WDR72: variants seen among roughly 807,000 people sequenced by gnomAD.
WDR72 encodes WD repeat domain 72.
Under a neutral mutation model 124.2 loss-of-function variants are expected in WDR72, and 120 were observed. The ratio of observed to expected loss-of-function variants is 0.97; its 90% CI spans 0.83 to 1.12. The LOEUF (loss-of-function observed/expected upper bound fraction) is 1.12, where lower values mean the gene tolerates loss of function less well. Among genes scored for constraint, WDR72 ranks in the 50% most tolerant of loss-of-function variants. The pLI is 0.00. For synonymous variants in WDR72, 452 were observed against 441.7 expected, an observed-to-expected ratio of 1.02 and a Z score of -0.29; for missense variants, 1,387 against 1,278.8, an observed-to-expected ratio of 1.08 and a Z score of -1.29.
intron 18 of WDR72, among the ~76,000 whole-genome samples, chr15:53,578,278 G>A (rs185289108): frequency 2.0e-5 from 3 of 152,224 alleles, no homozygotes; most frequent in African/African-American, 7.2e-5. Context: ...TGGTGTGACA[G>A]AAGTACAGGT....
chr15:53,538,837 T>G (rs1892905010), intron 18 of WDR72, among the ~76,000 whole-genome samples: 1 of 152,080 alleles, frequency 6.6e-6, no homozygotes, highest in South Asian at 2.1e-4. Flanking sequence ...GCAGCTGAAA[T>G]AACTGGATCA....
intron 18 of WDR72, chr15:53,540,866 C>A (rs190972464): frequency 0.021 from 3,178 of 154,496 alleles, 48 homozygotes; most frequent in Non-Finnish European, 0.028. Context: ...CTTTCCTAGT[C>A]AAAGAAAGGG....
At chr15:53,747,450 G>C (rs780500842) in intron 1 of WDR72, among the ~76,000 whole-genome samples, 4 of 152,266 alleles carry the variant, frequency 2.6e-5, no homozygotes, top group Admixed American at 2.0e-4. Context: ...ATGTGTTTTA[G>C]ATAGAGAATA....
chr15:53,537,159 T>A (rs907799991), intron 18 of WDR72, among the ~76,000 whole-genome samples: 1 of 152,196 alleles, frequency 6.6e-6, no homozygotes, highest in African/African-American at 2.4e-5. Context: ...TAGGTCATTA[T>A]CCTTTATTAT....
intron 18 of WDR72, among the ~76,000 whole-genome samples, chr15:53,575,501 T>C (rs1249904307): frequency 3.9e-5 from 6 of 152,118 alleles, no homozygotes; most frequent in African/African-American, 1.4e-4. Flanking sequence ...TACTACCAGG[T>C]ATAAAGATGA....
At chr15:53,758,223 A>T (rs1434688177) in intron 1 of WDR72, among the ~76,000 whole-genome samples, 1 of 151,870 alleles carries the variant, frequency 6.6e-6, no homozygotes, top group Non-Finnish European at 1.5e-5. Flanking sequence ...CTGGTCTGGA[A>T]CTCCTGAGCT....
At position 53,663,979 on chromosome 15, in the gene WDR72, G is replaced by T. The variant is rs530118207; in HGVS notation, c.1962+1593C>A. On this transcript the variant is annotated intron_variant, in intron 14 of 19. Transcript: ENST00000360509. ...AAAGACAATGGATTAAATGAGAAAA[G>T]AAAAAAAGCTGTCACCTAATCACCG... Among the ~76,000 whole-genome samples, 3 of 150,448 alleles carry T rather than the reference G, an allele frequency of 2.0e-5. No homozygotes were observed. The South Asian group carries it at 6.2e-4, about 31-fold the overall frequency.
At position 53,665,785 on chromosome 15, in the gene WDR72, G is replaced by C. The variant is rs765673581; in HGVS notation, c.1766-17C>G. Reference sequence around the variant, plus strand: ...CCAAAGTGCCTGGAAAACAAGATTAGAGGTAAAAATGTCAGGAAAATATTT... The same window carrying C: ...CCAAAGTGCCTGGAAAACAAGATTACAGGTAAAAATGTCAGGAAAATATTT... On this transcript the variant is annotated splice_polypyrimidine_tract_variant and intron_variant, in intron 13 of 19. Coordinates refer to ENST00000360509, the MANE Select transcript of WDR72 (RefSeq NM_182758.4). The C allele has an allele frequency of 6.2e-7, 1 of 1,612,356 alleles. No individual in the cohort carries two copies. The highest frequency in any genetic ancestry group is 8.5e-7 in the Non-Finnish European group (1 of 1,179,068).
chr15:53,691,588 CAT>C (rs1191212452), intron 13 of WDR72, among the ~76,000 whole-genome samples: 2 of 147,500 alleles, frequency 1.4e-5, no homozygotes, highest in African/African-American at 5.1e-5. Flanking sequence ...TTACAGCAAA[CAT>C]GTAAAATGAT....
At chr15:53,664,126 G>A (rs1162947244) in intron 14 of WDR72, among the ~76,000 whole-genome samples, 1 of 152,022 alleles carries the variant, frequency 6.6e-6, no homozygotes, top group Non-Finnish European at 1.5e-5. Flanking sequence ...AAGGGAGATG[G>A]TACTCTGCTG....
rs1188268438 is a variant in WDR72 at position 53,544,449 on chromosome 15, C to G, written c.3149-21127G>C. 6.3e-5 allele frequency among the ~76,000 whole-genome samples: 8 copies of G among 127,954 alleles called. No homozygotes were observed. In the Admixed American group the frequency reaches 6.4e-4, roughly 10 times the overall value. The allele number at this position is 127,954 out of a possible 152,430, so 83.9% of individuals were successfully genotyped here. ...CAATAGATGCAGAAAAGGCCTTTGA[C>G]AAAATTCAACAACCCTTCATGCTAA... On this transcript the variant is annotated intron_variant, in intron 18 of 19. Coordinates refer to ENST00000360509, the MANE Select transcript of WDR72 (RefSeq NM_182758.4).
chr15:53,582,135 G>A (rs1299689201), intron 18 of WDR72, among the ~76,000 whole-genome samples: 2 of 151,922 alleles, frequency 1.3e-5, no homozygotes, highest in Non-Finnish European at 2.9e-5. Flanking sequence ...CTGTATTGCA[G>A]TTTCATTCTT....
chr15:53,612,723 A>AAACAGAAGCC lies in WDR72; in HGVS notation c.2872+933_2872+942dup, dbSNP rs2013596533. ...AGGACAATGGCTTTTATTCTGAGCGAAACAGAAGCCACCAGAAGGTTATAC... is the reference window on the plus strand; with the variant it reads ...AGGACAATGGCTTTTATTCTGAGCGAAACAGAAGCCAACAGAAGCCACCAGAAGGTTATAC... On this transcript the variant is annotated intron_variant, in intron 16 of 19. Transcript: ENST00000360509. 3.9e-5 allele frequency among the ~76,000 whole-genome samples: 6 copies of AAACAGAAGCC among 152,210 alleles called. No individual in the cohort carries two copies. The South Asian group carries it at 1.2e-3, about 32-fold the overall frequency.
At chr15:53,747,064 G>A (rs35710717) in intron 1 of WDR72, among the ~76,000 whole-genome samples, 3,054 of 152,230 alleles carry the variant, frequency 0.02, 32 homozygotes, top group Middle Eastern at 0.034. Flanking sequence ...TACTTTAACC[G>A]TAGAAGACTA....
chr15:53,755,375 T>C (rs1451209959), intron 1 of WDR72, among the ~76,000 whole-genome samples: 1 of 152,226 alleles, frequency 6.6e-6, no homozygotes, highest in African/African-American at 2.4e-5. Context: ...TAAAAATTAA[T>C]GATGCTATTA....
intron 14 of WDR72, among the ~76,000 whole-genome samples, chr15:53,651,501 T>G (rs2015239195): frequency 6.6e-6 from 1 of 152,244 alleles, no homozygotes; most frequent in Non-Finnish European, 1.5e-5. Context: ...GCTGAATGAA[T>G]AAAGTATTCT....
intron 16 of WDR72, among the ~76,000 whole-genome samples, chr15:53,610,829 G>A (rs2013508916): frequency 6.6e-6 from 1 of 152,080 alleles, no homozygotes; most frequent in African/African-American, 2.4e-5. Context: ...CAGCAGGTAA[G>A]AGAACATTTT....
chr15:53,594,848 A>G (rs2012695458), intron 18 of WDR72, among the ~76,000 whole-genome samples: 1 of 150,716 alleles, frequency 6.6e-6, no homozygotes, highest in Admixed American at 6.6e-5. Flanking sequence ...ATGAAAGTAT[A>G]AAAACATTTC....
chr15:53,620,538 A>C (rs934355411), intron 14 of WDR72, among the ~76,000 whole-genome samples: 1 of 152,030 alleles, frequency 6.6e-6, no homozygotes, highest in Non-Finnish European at 1.5e-5. Context: ...ACAAAAACAT[A>C]AAGTGGGGAA....
Sources: gnomAD v4.1 joint callset for allele counts (sites outside exome capture counted in the v4.1 genomes callset) on GRCh38, gnomAD v4.1.1 for gene constraint, MANE v1.5 for transcripts, NCBI Gene and HGNC (gene_info 2026-07-23, HGNC 2026-07-21) for gene names.